SETMAR: variants seen among roughly 807,000 people sequenced by gnomAD.
SETMAR encodes the protein SET and mariner transposase domain methyltransferase.
In SETMAR, 44 loss-of-function variants were observed where a neutral mutation model predicts 58.4. The observed-to-expected ratio is 0.75, with a 90% confidence interval of 0.59 to 0.97. SETMAR has a LOEUF of 0.97. Ranked by LOEUF, SETMAR falls within the 50% of genes least tolerant of loss-of-function variation. The probability of loss-of-function intolerance (pLI) is 0.00; values close to 1 mark genes in which losing one functional copy is unlikely to be tolerated. For synonymous variants in SETMAR, 332 were observed against 307.4 expected, an observed-to-expected ratio of 1.08 and a Z score of -0.84; for missense variants, 903 against 840.2, an observed-to-expected ratio of 1.07 and a Z score of -0.92.
intron 1 of SETMAR, among the ~76,000 whole-genome samples, chr3:4,308,901 A>G (rs1698297424): frequency 6.6e-6 from 1 of 152,258 alleles, no homozygotes; most frequent in Non-Finnish European, 1.5e-5. Flanking sequence ...AGCATGGACC[A>G]TGACACAGCC....
At chr3:4,303,937 C>T in intron 1 of SETMAR, 1 of 1,131,042 alleles carries the variant, frequency 8.8e-7, no homozygotes, top group Non-Finnish European at 1.1e-6. Flanking sequence ...CCCCTCGAGT[C>T]AGCCTTAGCT....
rs138874753 is a variant in SETMAR at position 4,314,842 on chromosome 3, T to C, written c.1020+1081T>C. Among the ~76,000 whole-genome samples the C allele has an allele frequency of 1.1e-3, 161 of 152,322 alleles. 1 individual carries two copies. The highest frequency in any genetic ancestry group is 3.6e-3 in the African/African-American group (150 of 41,578). ...ATAATTACTAGAGCCCCTATGATAT[T>C]ATTAAGTAATTTAATTTCTTCTCTA... On this transcript the variant is annotated intron_variant, in intron 2 of 2. Coordinates refer to ENST00000358065, the MANE Select transcript of SETMAR (RefSeq NM_006515.4).
At chr3:4,308,393 A>C (rs1161987613) in intron 1 of SETMAR, among the ~76,000 whole-genome samples, 1 of 150,412 alleles carries the variant, frequency 6.6e-6, no homozygotes, top group East Asian at 2.0e-4. Flanking sequence ...AAACCTATGA[A>C]ATAAATAAGA....
intron 1 of SETMAR, among the ~76,000 whole-genome samples, chr3:4,312,227 A>G (rs1698433693): frequency 6.6e-6 from 1 of 152,154 alleles, no homozygotes; most frequent in African/African-American, 2.4e-5. Flanking sequence ...GTAACCCACA[A>G]TTAAAATACA....
rs77577651 is a variant in SETMAR, at chr3:4,306,413, G to A, written c.156+2887G>A. ...ACGTCTATTTTTAAAAGGGGAGAAA[G>A]GAGTGACAAGAGGAAGCTTTGTGAT... On this transcript the variant is annotated intron_variant, in intron 1 of 2. Transcript: ENST00000358065. Among the ~76,000 whole-genome samples the A allele has an allele frequency of 1.8e-3, 279 of 152,260 alleles. 1 individual carries two copies. The East Asian group carries it at 0.028, about 15-fold the overall frequency.
chr3:4,308,726 C>T (rs984774853), intron 1 of SETMAR, among the ~76,000 whole-genome samples: 4 of 152,322 alleles, frequency 2.6e-5, no homozygotes, highest in Admixed American at 2.6e-4. Context: ...AGTTCAAGAC[C>T]ATAGTCACAG....
rs1327366594 is a variant in SETMAR, at chr3:4,316,583, G to T, written c.1392G>T (p.Leu464=). ...TCGATAAGTGGGTGCCTCATGAGCT[G>T]ACTGAAAATCAAAAAAATCGTCGTT... ...KKLDKWVPHE[L]TENQKNRRFE... The change falls in exon 3 of 3, where the codon CTG becomes CTT. Residue 464 remains leucine, a synonymous_variant. Coordinates refer to ENST00000358065, the MANE Select transcript of SETMAR (RefSeq NM_006515.4). The T allele has an allele frequency of 1.3e-6, 2 of 1,551,700 alleles. No homozygotes were observed. Among genetic ancestry groups the T allele is most frequent in the Non-Finnish European group, 1.7e-6 (2 of 1,147,070 alleles).
At position 4,316,843 on chromosome 3, in the gene SETMAR, G is replaced by A; in HGVS notation, c.1652G>A (p.Gly551Asp). The change falls in exon 3 of 3, where the codon GGT becomes GAT. Residue 551 changes from glycine (G) to aspartate (D), a missense_variant. Physicochemically the swap from Gly to Asp is moderately conservative, Grantham distance 94 (BLOSUM62 -1). Transcript: ENST00000358065. Reference protein sequence around the residue: ...GLIHYSFLNPGETITSEKYAQ... With the variant: ...GLIHYSFLNPDETITSEKYAQ... ...ATCCACTACAGCTTTCTGAATCCCG[G>A]TGAAACCATTACATCTGAGAAGTAT... 5 of 1,550,118 alleles carry A rather than the reference G, an allele frequency of 3.2e-6. No homozygotes were observed. Among genetic ancestry groups the A allele is most frequent in the Non-Finnish European group, 4.4e-6 (5 of 1,146,732 alleles).
intron 1 of SETMAR, among the ~76,000 whole-genome samples, chr3:4,311,231 C>A (rs1698392646): frequency 6.6e-6 from 1 of 152,018 alleles, no homozygotes; most frequent in South Asian, 2.1e-4. Flanking sequence ...GGGTTTTGCA[C>A]TTAACTACAT....
chr3:4,310,931 T>G (rs73806996), intron 1 of SETMAR, among the ~76,000 whole-genome samples: 1,748 of 152,348 alleles, frequency 0.011, 39 homozygotes, highest in African/African-American at 0.04. Context: ...CCATTTACAT[T>G]TGAACACTGA....
chr3:4,314,001 G>C, intron 2 of SETMAR: 2 of 663,474 alleles, frequency 3.0e-6, no homozygotes, highest in East Asian at 5.7e-5. Flanking sequence ...TAGTTAATAG[G>C]ATATAAGCAA....
At chr3:4,310,251 C>A (rs59363053) in intron 1 of SETMAR, among the ~76,000 whole-genome samples, 1,698 of 152,246 alleles carry the variant, frequency 0.011, 21 homozygotes, top group African/African-American at 0.037. Flanking sequence ...AGGACAATGA[C>A]CTCACATTAT....
At chr3:4,311,587 C>A (rs560194894) in intron 1 of SETMAR, among the ~76,000 whole-genome samples, 5 of 152,300 alleles carry the variant, frequency 3.3e-5, no homozygotes, top group South Asian at 4.1e-4. Flanking sequence ...CACTTCTGAA[C>A]AATGAGATTA....
intron 1 of SETMAR, among the ~76,000 whole-genome samples, chr3:4,306,275 G>A (rs993547633): frequency 7.2e-5 from 11 of 151,952 alleles, no homozygotes; most frequent in Non-Finnish European, 1.2e-4. Flanking sequence ...CACTTTAAGC[G>A]TTAAATTATT....
chr3:4,305,884 G>A (rs140756499), intron 1 of SETMAR, among the ~76,000 whole-genome samples: 2 of 152,168 alleles, frequency 1.3e-5, no homozygotes, highest in African/African-American at 4.8e-5. Context: ...GCAATTTATA[G>A]TTAATAATAC....
At chr3:4,303,561 G>A in intron 1 of SETMAR, 35 bp downstream of exon 1, 3 of 1,338,538 alleles carry the variant, frequency 2.2e-6, no homozygotes, top group Non-Finnish European at 2.9e-6. Flanking sequence ...GGAGGCGGGC[G>A]CGCGGCTCCC....
At chr3:4,310,374 G>A (rs971269717) in intron 1 of SETMAR, among the ~76,000 whole-genome samples, 1 of 152,154 alleles carries the variant, frequency 6.6e-6, no homozygotes, top group Admixed American at 6.5e-5. Flanking sequence ...CTTGAGTGTA[G>A]TCATTTTTTA....
intron 1 of SETMAR, among the ~76,000 whole-genome samples, chr3:4,304,945 T>C (rs1163402215): frequency 6.6e-6 from 1 of 151,082 alleles, no homozygotes; most frequent in African/African-American, 2.4e-5. Flanking sequence ...ATGGGTTTGG[T>C]TCAGAAGGCG....
rs1490172755 is a variant in SETMAR at position 4,313,350 on chromosome 3, G to C, written c.609G>C (p.Gly203=). The C allele has an allele frequency of 6.2e-7, 1 of 1,613,960 alleles. No homozygotes were observed. Among genetic ancestry groups the C allele is most frequent in the East Asian group, 2.2e-5 (1 of 44,882 alleles). The change falls in exon 2 of 3, where the codon GGG becomes GGC. Residue 203 remains glycine (G), a synonymous_variant. Coordinates refer to ENST00000358065, the MANE Select transcript of SETMAR (RefSeq NM_006515.4). ...IIAIREHVYN[G]QVMETFVDPT... ...CCATCAGGGAACATGTTTATAATGG[G>C]CAGGTAATGGAAACATTTGTTGACC...
Sources: allele counts gnomAD v4.1 joint callset (sites outside exome capture counted in the v4.1 genomes callset), GRCh38; gene constraint gnomAD v4.1.1; transcripts MANE v1.5; gene names NCBI Gene and HGNC (gene_info 2026-07-23, HGNC 2026-07-21).